The following S100A3 variants were observed in gnomAD, a reference collection of about 807,000 sequenced individuals.
S100A3 encodes the protein protein S100-A3.
In S100A3, 11 loss-of-function variants were observed where a neutral mutation model predicts 8.0. The observed-to-expected ratio is 1.37, with a 90% CI of 0.86 to 2.27. S100A3 has a LOEUF of 2.27. Ranked by LOEUF, S100A3 falls within the 30% of genes most tolerant of loss-of-function variation. S100A3 has a pLI of 0.00. For synonymous variants in S100A3, 43 were observed against 49.6 expected (o/e 0.87, Z 0.56); for missense variants, 124 against 127.1 (o/e 0.98, Z 0.12).
In S100A3 at chr1:153,547,727, G is replaced by C. The variant is rs41265164; in HGVS notation, c.261C>G (p.His87Gln). The change falls in exon 3 of 3, where the codon CAC becomes CAG. Residue 87 changes from histidine to glutamine, a missense_variant. Coordinates refer to ENST00000368713, the MANE Select transcript of S100A3 (RefSeq NM_002960.2). This position sits in a 1 kb window ranked among gnomAD's most constrained non-coding sequence, Gnocchi z 4.0. Reference protein sequence around the residue: ...RSLACLCLYCHEYFKDCPSEP... With the variant: ...RSLACLCLYCQEYFKDCPSEP... Reference sequence around the variant, plus strand: ...CTGAGGGGCAGTCCTTGAAGTACTCGTGGCAGTAGAGACAGAGGCAGGCAA... The same window carrying C: ...CTGAGGGGCAGTCCTTGAAGTACTCCTGGCAGTAGAGACAGAGGCAGGCAA... 1.2e-6 allele frequency: 2 copies of C among 1,613,922 alleles called. No individual in the cohort carries two copies. Among genetic ancestry groups the C allele is most frequent in the Middle Eastern group, 1.7e-4 (1 of 6,056 alleles).
Position 153,547,676 on chromosome 1 carries a change from CA to C in S100A3, c.*5del, listed in dbSNP as rs750344529. The C allele has an allele frequency of 3.7e-6, 6 of 1,612,988 alleles. No individual in the cohort carries two copies. Among genetic ancestry groups the C allele is most frequent in the Non-Finnish European group, 5.1e-6 (6 of 1,179,452 alleles). On this transcript the variant is annotated 3_prime_UTR_variant, in exon 3 of 3. Transcript: ENST00000368713. This position sits in a 1 kb window ranked among gnomAD's most constrained non-coding sequence, Gnocchi z 4.0. ...CCGACAGCCAGCGCACCCCCTGGAG[CA>C]GAGGCTACTGGGAGCAGGGGGGCTC...
Position 153,547,596 on chromosome 1 carries a change from T to C in S100A3, c.*86A>G. The C allele has an allele frequency of 6.9e-7, 1 of 1,452,048 alleles. No individual in the cohort carries two copies. Among genetic ancestry groups the C allele is most frequent in the Non-Finnish European group, 9.4e-7 (1 of 1,067,144 alleles). 89.9% of individuals were successfully genotyped at this position (1,452,048 alleles called of 1,614,324 possible). A position where few individuals can be genotyped will look rare whatever the true frequency, so the allele number is the denominator to read the frequency against. ...CGCAGAAGACCTGGGCAAGTCCAGA[T>C]TGAAAGGGGTACAGGAGAGAGGGTA... On this transcript the variant is annotated 3_prime_UTR_variant, in exon 3 of 3. Coordinates refer to ENST00000368713, the MANE Select transcript of S100A3 (RefSeq NM_002960.2). The surrounding 1 kb of genome is among the most constrained non-coding windows in gnomAD (Gnocchi z 4.0).
Position 153,547,698 on chromosome 1 carries a change from G to A in S100A3, c.290C>T (p.Pro97Leu), listed in dbSNP as rs774302169. 7 of 1,613,750 alleles carry A rather than the reference G, an allele frequency of 4.3e-6. No homozygotes were observed. Among genetic ancestry groups the A allele is most frequent in the Middle Eastern group, 1.6e-4 (1 of 6,070 alleles). ...HEYFKDCPSE[P>L]PCSQ ...GAGCAGAGGCTACTGGGAGCAGGGG[G>A]GCTCTGAGGGGCAGTCCTTGAAGTA... is the stretch of plus-strand genomic sequence containing the variant. Residue 97 changes from proline to leucine, a missense_variant, in exon 3 of 3, where the codon CCC (proline) becomes CTC (leucine). Transcript: ENST00000368713. This position sits in a 1 kb window ranked among gnomAD's most constrained non-coding sequence, Gnocchi z 4.0.
In S100A3 at chr1:153,547,863, T is replaced by G. The variant is rs932707811; in HGVS notation, c.142-17A>C. 1 of 1,610,140 alleles carries G rather than the reference T, an allele frequency of 6.2e-7. No individual in the cohort carries two copies. Among genetic ancestry groups the G allele is most frequent in the African/African-American group, 1.3e-5 (1 of 74,720 alleles). ...AAACTCAGTCTGTGCAAGGGAAGGG[T>G]TGGGAGAGGTAAGGGAGTAGGATGA... On this transcript the variant is annotated splice_polypyrimidine_tract_variant and intron_variant, in intron 2 of 2. Coordinates refer to ENST00000368713, the MANE Select transcript of S100A3 (RefSeq NM_002960.2). The surrounding 1 kb of genome is among the most constrained non-coding windows in gnomAD (Gnocchi z 4.0).
chr1:153,548,480 G>A lies in S100A3; in HGVS notation c.6C>T (p.Ala2=), dbSNP rs759756159. M[A]RPLEQAVAAI... is the part of the protein sequence containing the mutation. ...CAGCTACCGCCTGCTCCAGAGGCCT[G>A]GCCATCCTCACTGTCACAGAACAAG... Residue 2 remains alanine, a synonymous_variant, in exon 2 of 3, where the codon GCC becomes GCT. Transcript: ENST00000368713. The A allele has an allele frequency of 6.3e-7, 1 of 1,587,534 alleles. No individual in the cohort carries two copies. The highest frequency in any genetic ancestry group is 1.1e-5 in the South Asian group (1 of 87,940).
rs949925095 is a variant in S100A3 at position 153,547,572 on chromosome 1, G to A, written c.*110C>T. On this transcript the variant is annotated 3_prime_UTR_variant, in exon 3 of 3. Coordinates refer to ENST00000368713, the MANE Select transcript of S100A3 (RefSeq NM_002960.2). The surrounding 1 kb of genome is among the most constrained non-coding windows in gnomAD (Gnocchi z 4.0). ...CCTAGGTAAAATGGGTTAACTGATC[G>A]CAGAAGACCTGGGCAAGTCCAGATT... 8.6e-6 allele frequency: 11 copies of A among 1,277,884 alleles called. No individual in the cohort carries two copies. Among genetic ancestry groups the A allele is most frequent in the African/African-American group, 3.0e-5 (2 of 66,324 alleles). The allele number at this position is 1,277,884 out of a possible 1,614,324, so 79.2% of individuals were successfully genotyped here. A position where few individuals can be genotyped will look rare whatever the true frequency, so the allele number is the denominator to read the frequency against.
At chr1:153,548,216 C>T in intron 2 of S100A3, 129 bp downstream of exon 2, 3 of 1,221,304 alleles carry the variant, frequency 2.5e-6, no homozygotes, top group Middle Eastern at 2.4e-4. Context: ...CCCTCCCACT[C>T]CCTCCTCACA....
chr1:153,547,380 CTCAT>C lies in S100A3; in HGVS notation c.*298_*301del. The C allele has an allele frequency of 3.0e-6, 1 of 335,410 alleles. No individual in the cohort carries two copies. The highest frequency in any genetic ancestry group is 9.1e-5 in the South Asian group (1 of 11,008). The allele number at this position is 335,410 out of a possible 1,614,324, so 20.8% of individuals were successfully genotyped here. ...TAAATAGGCCCTTTCCCATCGTGGTCTCATTGGTGCACGCTCTGCTGAGCCTCGA... is the reference window on the plus strand; with the variant it reads ...TAAATAGGCCCTTTCCCATCGTGGTCTGGTGCACGCTCTGCTGAGCCTCGA... On this transcript the variant is annotated 3_prime_UTR_variant, in exon 3 of 3. Coordinates refer to ENST00000368713, the MANE Select transcript of S100A3 (RefSeq NM_002960.2). This position sits in a 1 kb window ranked among gnomAD's most constrained non-coding sequence, Gnocchi z 4.0.
chr1:153,547,458 GGGGTGC>G lies in S100A3; in HGVS notation c.*218_*223del. 1.8e-6 allele frequency: 1 copy of G among 545,252 alleles called. No homozygotes were observed. Among genetic ancestry groups the G allele is most frequent in the South Asian group, 2.7e-5 (1 of 37,558 alleles). The allele number at this position is 545,252 out of a possible 1,614,324, so 33.8% of individuals were successfully genotyped here. A position where few individuals can be genotyped will look rare whatever the true frequency, so the allele number is the denominator to read the frequency against. On this transcript the variant is annotated 3_prime_UTR_variant, in exon 3 of 3. Transcript: ENST00000368713. The surrounding 1 kb of genome is among the most constrained non-coding windows in gnomAD (Gnocchi z 4.0). ...CCTCCCATCCACAAGGGAGGCCACA[GGGGTGC>G]GGCAGGCAGGCTGGGCCCCAGAGTG...
chr1:153,547,685 C>G lies in S100A3; in HGVS notation c.303G>C (p.Gln101His), dbSNP rs149736340. Reference sequence around the variant, plus strand: ...AGCGCACCCCCTGGAGCAGAGGCTACTGGGAGCAGGGGGGCTCTGAGGGGC... The same window carrying G: ...AGCGCACCCCCTGGAGCAGAGGCTAGTGGGAGCAGGGGGGCTCTGAGGGGC... ...KDCPSEPPCS[Q>H] Residue 101 changes from glutamine to histidine, a missense_variant, in exon 3 of 3, where the codon CAG becomes CAC. Coordinates refer to ENST00000368713, the MANE Select transcript of S100A3 (RefSeq NM_002960.2). This position sits in a 1 kb window ranked among gnomAD's most constrained non-coding sequence, Gnocchi z 4.0. The G allele has an allele frequency of 2.5e-6, 4 of 1,613,554 alleles. No individual in the cohort carries two copies. In the Admixed American group the frequency reaches 6.7e-5, roughly 27 times the overall value.
intron 1 of S100A3, 48 bp from the exon 2 acceptor site, chr1:153,548,538 C>A: frequency 6.5e-7 from 1 of 1,531,974 alleles, no homozygotes; most frequent in Admixed American, 2.0e-5. Context: ...CAGGCCAGCC[C>A]CCCAGCTCAC....
In S100A3 at chr1:153,547,890, G is replaced by T; in HGVS notation, c.142-44C>A. The T allele has an allele frequency of 6.3e-7, 1 of 1,586,918 alleles. No homozygotes were observed. The highest frequency in any genetic ancestry group is 8.6e-7 in the Non-Finnish European group (1 of 1,161,232). ...GGGAGAGGTAAGGGAGTAGGATGAG[G>T]AGGGCAGAACAGCCTCACACGCCAC... On this transcript the variant is annotated intron_variant, in intron 2 of 2. Transcript: ENST00000368713. The surrounding 1 kb of genome is among the most constrained non-coding windows in gnomAD (Gnocchi z 4.0).
At position 153,547,924 on chromosome 1, in the gene S100A3, T is replaced by A; in HGVS notation, c.142-78A>T. The A allele has an allele frequency of 6.8e-7, 1 of 1,479,698 alleles. No individual in the cohort carries two copies. Among genetic ancestry groups the A allele is most frequent in the Non-Finnish European group, 9.3e-7 (1 of 1,079,078 alleles). 91.7% of individuals were successfully genotyped at this position (1,479,698 alleles called of 1,614,324 possible). ...ACAGCCTCACACGCCACCTCCCTCC[T>A]TCCTCTCCCAAGTGGACCCACCCCA... On this transcript the variant is annotated intron_variant, in intron 2 of 2. Coordinates refer to ENST00000368713, the MANE Select transcript of S100A3 (RefSeq NM_002960.2). This position sits in a 1 kb window ranked among gnomAD's most constrained non-coding sequence, Gnocchi z 4.0.
chr1:153,547,910 C>G lies in S100A3; in HGVS notation c.142-64G>C, dbSNP rs1032884772. 1 of 1,522,424 alleles carries G rather than the reference C, an allele frequency of 6.6e-7. No individual in the cohort carries two copies. The allele number at this position is 1,522,424 out of a possible 1,614,324, so 94.3% of individuals were successfully genotyped here. A position where few individuals can be genotyped will look rare whatever the true frequency, so the allele number is the denominator to read the frequency against. On this transcript the variant is annotated intron_variant, in intron 2 of 2. Coordinates refer to ENST00000368713, the MANE Select transcript of S100A3 (RefSeq NM_002960.2). The surrounding 1 kb of genome is among the most constrained non-coding windows in gnomAD (Gnocchi z 4.0). ...ATGAGGAGGGCAGAACAGCCTCACA[C>G]GCCACCTCCCTCCTTCCTCTCCCAA...
In S100A3 at chr1:153,548,465, C is replaced by T. The variant is rs1236992173; in HGVS notation, c.21G>A (p.Gln7=). 5 of 1,602,268 alleles carry T rather than the reference C, an allele frequency of 3.1e-6. No homozygotes were observed. The highest frequency in any genetic ancestry group is 4.3e-6 in the Non-Finnish European group (5 of 1,172,326). MARPLE[Q]AVAAIVCTFQ... is the part of the protein sequence containing the mutation. ...AGGTGCACACGATGGCAGCTACCGC[C>T]TGCTCCAGAGGCCTGGCCATCCTCA... The change falls in exon 2 of 3, where the codon CAG becomes CAA. Residue 7 remains glutamine, a synonymous_variant. Coordinates refer to ENST00000368713, the MANE Select transcript of S100A3 (RefSeq NM_002960.2).
chr1:153,548,570 G>A, intron 1 of S100A3, 80 bp from the exon 2 acceptor site: 1 of 1,501,506 alleles, frequency 6.7e-7, no homozygotes, highest in Non-Finnish European at 8.9e-7. Context: ...GTGTTTCTCA[G>A]AGACTGTTCC....
chr1:153,548,040 AT>A (rs1226564510), intron 2 of S100A3, among the ~76,000 whole-genome samples, 194 bp from the exon 3 acceptor site: 1 of 152,024 alleles, frequency 6.6e-6, no homozygotes, highest in Non-Finnish European at 1.5e-5. Context: ...GTCCTCTCAG[AT>A]TATTAATCGA....
Position 153,547,666 on chromosome 1 carries a change from C to T in S100A3, c.*16G>A, listed in dbSNP as rs757890734. On this transcript the variant is annotated 3_prime_UTR_variant, in exon 3 of 3. Transcript: ENST00000368713. This position sits in a 1 kb window ranked among gnomAD's most constrained non-coding sequence, Gnocchi z 4.0. ...TGCCCAGCCCCCGACAGCCAGCGCA[C>T]CCCCTGGAGCAGAGGCTACTGGGAG... The T allele has an allele frequency of 3.7e-6, 6 of 1,611,460 alleles. No individual in the cohort carries two copies. The highest frequency in any genetic ancestry group is 4.5e-5 in the East Asian group (2 of 44,812).
intron 1 of S100A3, among the ~76,000 whole-genome samples, chr1:153,548,809 T>C (rs990148531): frequency 2.6e-5 from 4 of 152,198 alleles, no homozygotes; most frequent in Non-Finnish European, 4.4e-5. Flanking sequence ...CACTCTCAGA[T>C]TATCTGCCAC....
Sources: gnomAD v4.1 joint callset for allele counts (sites outside exome capture counted in the v4.1 genomes callset) on GRCh38, gnomAD v4.1.1 for gene constraint, Gnocchi (gnomAD v3.1) non-coding constraint, MANE v1.5 for transcripts, NCBI Gene and HGNC (gene_info 2026-07-23, HGNC 2026-07-21) for gene names.